NLGN1: variants seen among roughly 807,000 people sequenced by gnomAD.
NLGN1 encodes neuroligin 1.
In NLGN1, 12 loss-of-function variants were observed where a neutral mutation model predicts 65.5. The observed-to-expected ratio is 0.18, with a 90% CI of 0.12 to 0.30. NLGN1 has a LOEUF of 0.30. NLGN1 is among the 10% of genes least tolerant of loss of function. The pLI is 1.00. For synonymous variants in NLGN1, 350 were observed against 359.5 expected (o/e 0.97, Z 0.30); for missense variants, 750 against 1,007.1 (o/e 0.74, Z 3.46).
At chr3:174,260,764 T>C (rs1489733377) in intron 4 of NLGN1, among the ~76,000 whole-genome samples, 1 of 150,504 alleles carries the variant, frequency 6.6e-6, no homozygotes, top group African/African-American at 2.4e-5. Flanking sequence ...TTGCCCATGC[T>C]TATGTCCTGA....
chr3:174,070,269 T>C (rs780800859), intron 4 of NLGN1, among the ~76,000 whole-genome samples: 9 of 152,172 alleles, frequency 5.9e-5, no homozygotes, highest in Non-Finnish European at 1.0e-4. Context: ...CCTGAAACTA[T>C]GCCTTCTACT....
intron 2 of NLGN1, among the ~76,000 whole-genome samples, chr3:173,506,826 A>T (rs550454613): frequency 7.9e-5 from 12 of 152,252 alleles, no homozygotes; most frequent in Non-Finnish European, 1.8e-4. Context: ...CTATATTTTC[A>T]GTTGTGTCAG....
chr3:173,465,265 A>G (rs970595527), intron 2 of NLGN1, among the ~76,000 whole-genome samples: 1 of 152,200 alleles, frequency 6.6e-6, no homozygotes, highest in Non-Finnish European at 1.5e-5. Context: ...TGAAGATGTA[A>G]TGCTTAGGAA....
intron 4 of NLGN1, among the ~76,000 whole-genome samples, chr3:174,141,507 A>G (rs1387307963): frequency 6.6e-6 from 1 of 152,218 alleles, no homozygotes; most frequent in East Asian, 1.9e-4. Context: ...CTGAACATAC[A>G]ATGTTGAACA....
At chr3:174,089,840 A>G (rs1744155176) in intron 4 of NLGN1, among the ~76,000 whole-genome samples, 1 of 152,008 alleles carries the variant, frequency 6.6e-6, no homozygotes, top group Non-Finnish European at 1.5e-5. Context: ...TCACAAATGC[A>G]TTCAGAGGGC....
At chr3:173,643,413 A>G (rs1757714690) in intron 3 of NLGN1, among the ~76,000 whole-genome samples, 1 of 150,330 alleles carries the variant, frequency 6.7e-6, no homozygotes, top group African/African-American at 2.5e-5. Context: ...TAATAAGAGC[A>G]TATAAAAATC....
intron 4 of NLGN1, among the ~76,000 whole-genome samples, chr3:173,993,374 G>A (rs1013255894): frequency 1.0e-3 from 158 of 152,068 alleles, no homozygotes; most frequent in African/African-American, 3.5e-3. Flanking sequence ...GTGCATTTTC[G>A]GCTAGCTGTA....
intron 4 of NLGN1, among the ~76,000 whole-genome samples, chr3:174,200,030 A>C (rs1189038620): frequency 1.3e-5 from 2 of 152,186 alleles, no homozygotes; most frequent in Non-Finnish European, 2.9e-5. Flanking sequence ...ATTTAACAGG[A>C]AAGTTTCATA....
At chr3:173,596,637 A>G (rs1399747795) in intron 2 of NLGN1, among the ~76,000 whole-genome samples, 1 of 96,546 alleles carries the variant, frequency 1.0e-5, no homozygotes, top group Non-Finnish European at 2.1e-5. Context: ...TCCAGTTATT[A>G]TTACATGATG....
At chr3:173,995,665 CT>C (rs66538676) in intron 4 of NLGN1, among the ~76,000 whole-genome samples, 5,111 of 139,422 alleles carry the variant, frequency 0.037, 179 homozygotes, top group African/African-American at 0.097. Flanking sequence ...TTCTTTCATT[CT>C]TTTTTTTTTT....
intron 2 of NLGN1, among the ~76,000 whole-genome samples, chr3:173,498,504 C>T (rs1317078772): frequency 6.6e-6 from 1 of 151,788 alleles, no homozygotes; most frequent in Non-Finnish European, 1.5e-5. Context: ...AATAGTGCCG[C>T]AATAAACATA....
At chr3:174,115,575 G>A (rs6807636) in intron 4 of NLGN1, among the ~76,000 whole-genome samples, 11,216 of 152,066 alleles carry the variant, frequency 0.074, 481 homozygotes, top group African/African-American at 0.097. Context: ...AGAATGTTGG[G>A]GTCATGGAGA....
At chr3:174,216,427 G>A (rs1450809325) in intron 4 of NLGN1, among the ~76,000 whole-genome samples, 3 of 152,186 alleles carry the variant, frequency 2.0e-5, no homozygotes, top group Non-Finnish European at 2.9e-5. Flanking sequence ...CTTTCAAATA[G>A]CTTTTGAACA....
At position 173,432,916 on chromosome 3, in the gene NLGN1, C is replaced by G. The variant is rs1428555924; in HGVS notation, c.-389-2094C>G. 2.0e-5 allele frequency among the ~76,000 whole-genome samples: 3 copies of G among 151,918 alleles called. No homozygotes were observed. The East Asian group carries it at 5.8e-4, about 29-fold the overall frequency. ...TCCTCATTACTATGTGGGAACCACTCCCCCCAGGCTCTCTCAGTGGACAGA... is the reference window on the plus strand; with the variant it reads ...TCCTCATTACTATGTGGGAACCACTGCCCCCAGGCTCTCTCAGTGGACAGA... On this transcript the variant is annotated intron_variant, in intron 1 of 6. Transcript: ENST00000457714.
chr3:173,606,249 G>A (rs1481491858), intron 3 of NLGN1, among the ~76,000 whole-genome samples: 4 of 151,986 alleles, frequency 2.6e-5, no homozygotes, highest in African/African-American at 9.7e-5. Context: ...AAAACATAGA[G>A]AAGTGCATGA....
At chr3:173,675,627 G>A (rs537671542) in intron 3 of NLGN1, among the ~76,000 whole-genome samples, 6 of 152,058 alleles carry the variant, frequency 3.9e-5, no homozygotes, top group South Asian at 2.1e-4. Flanking sequence ...ATCAGTTATC[G>A]ATGCCAGGAA....
At chr3:173,941,607 C>T (rs1015022761) in intron 4 of NLGN1, among the ~76,000 whole-genome samples, 1 of 151,760 alleles carries the variant, frequency 6.6e-6, no homozygotes, top group African/African-American at 2.4e-5. Context: ...TAAACAAAAG[C>T]AAAGACTTTT....
chr3:173,474,440 ATG>A (rs983290444), intron 2 of NLGN1, among the ~76,000 whole-genome samples: 5 of 152,002 alleles, frequency 3.3e-5, no homozygotes, highest in African/African-American at 4.8e-5. Flanking sequence ...CTATATCTAT[ATG>A]TGTGTGTGTG....
intron 4 of NLGN1, among the ~76,000 whole-genome samples, chr3:173,890,974 G>C (rs1294621687): frequency 6.6e-6 from 1 of 152,162 alleles, no homozygotes; most frequent in Non-Finnish European, 1.5e-5. Context: ...TGTTTATCTT[G>C]AAGGGAATAA....
Sources: allele counts gnomAD v4.1 joint callset (sites outside exome capture counted in the v4.1 genomes callset), GRCh38; gene constraint gnomAD v4.1.1; transcripts MANE v1.5; gene names NCBI Gene and HGNC (gene_info 2026-07-23, HGNC 2026-07-21).